Variants in AKAP19 observed in about 807,000 individuals in gnomAD.
The protein encoded by AKAP19 is A-kinase anchoring protein 19.
At chr2:189,888,133 A>T in the AKAP19 span, among the ~76,000 whole-genome samples, 1 of 152,156 alleles carries the variant, frequency 6.6e-6, no homozygotes, top group South Asian at 2.1e-4. Flanking sequence ...TAATTTTTGT[A>T]TAAGGTATAA....
chr2:190,106,806 T>A, the AKAP19 span, among the ~76,000 whole-genome samples: 1 of 152,220 alleles, frequency 6.6e-6, no homozygotes, highest in Non-Finnish European at 1.5e-5. Context: ...ACTACTTCAC[T>A]ATAATGTGTT....
the AKAP19 span, among the ~76,000 whole-genome samples, chr2:190,138,944 T>C: frequency 9.9e-5 from 15 of 152,208 alleles, no homozygotes; most frequent in Non-Finnish European, 2.2e-4. Flanking sequence ...AAAGGAAGGA[T>C]AAGAATATCA....
chr2:190,163,240 T>C, the AKAP19 span, among the ~76,000 whole-genome samples: 5 of 151,872 alleles, frequency 3.3e-5, no homozygotes, highest in East Asian at 5.8e-4. Flanking sequence ...CGAGACCATC[T>C]TGGCTAACAC....
At chr2:189,979,549 C>A in the AKAP19 span, among the ~76,000 whole-genome samples, 1 of 152,042 alleles carries the variant, frequency 6.6e-6, no homozygotes, top group East Asian at 1.9e-4. Flanking sequence ...ATCTTAAAAG[C>A]AAATTCAACA....
chr2:190,199,648 C>CTATT, the AKAP19 span: 4 of 1,233,636 alleles, frequency 3.2e-6, no homozygotes, highest in Non-Finnish European at 4.3e-6. Flanking sequence ...CAATCATACA[C>CTATT]TATTTTGCAT....
At chr2:190,025,602 T>C in the AKAP19 span, among the ~76,000 whole-genome samples, 1 of 152,214 alleles carries the variant, frequency 6.6e-6, no homozygotes, top group Admixed American at 6.5e-5. Flanking sequence ...GAGCCCATGC[T>C]TTTCTTGGGA....
chr2:189,885,387 G>C, the AKAP19 span, among the ~76,000 whole-genome samples: 1 of 152,196 alleles, frequency 6.6e-6, no homozygotes, highest in Non-Finnish European at 1.5e-5. Flanking sequence ...TATGTGTGGA[G>C]AAAGAGATAT....
the AKAP19 span, among the ~76,000 whole-genome samples, chr2:189,916,585 G>T: frequency 6.6e-6 from 1 of 152,088 alleles, no homozygotes; most frequent in Non-Finnish European, 1.5e-5. Context: ...GCCTCCCAAA[G>T]TGCTGGGATT....
At chr2:190,115,929 A>G in the AKAP19 span, among the ~76,000 whole-genome samples, 1 of 152,118 alleles carries the variant, frequency 6.6e-6, no homozygotes, top group Non-Finnish European at 1.5e-5. Flanking sequence ...GTAATGGGCA[A>G]TGTTCTAGGA....
At chr2:189,926,264 C>T in the AKAP19 span, among the ~76,000 whole-genome samples, 3 of 152,108 alleles carry the variant, frequency 2.0e-5, no homozygotes, top group African/African-American at 4.8e-5. Flanking sequence ...TAGAAAGATG[C>T]GCAATGATTT....
At chr2:190,155,398 A>G in the AKAP19 span, among the ~76,000 whole-genome samples, 1 of 152,224 alleles carries the variant, frequency 6.6e-6, no homozygotes, top group Non-Finnish European at 1.5e-5. Context: ...AATAAAGTGC[A>G]AAGTATAGAC....
At chr2:190,038,941 T>TTCTTCTTCC in the AKAP19 span, among the ~76,000 whole-genome samples, 84 of 143,994 alleles carry the variant, frequency 5.8e-4, 3 homozygotes, top group African/African-American at 2.3e-3. Flanking sequence ...CTTCTTCTTC[T>TTCTTCTTCC]TCTTCTTCTT....
At chr2:189,917,160 C>T in the AKAP19 span, 1 of 538,008 alleles carries the variant, frequency 1.9e-6, no homozygotes, top group African/African-American at 2.0e-5. Context: ...ATGATTTAAA[C>T]AAAAGTTTTA....
chr2:189,950,399 G>A, the AKAP19 span, among the ~76,000 whole-genome samples: 1 of 149,984 alleles, frequency 6.7e-6, no homozygotes, highest in Non-Finnish European at 1.5e-5. Flanking sequence ...GTGAACATGG[G>A]AGCAAGAGAA....
the AKAP19 span, among the ~76,000 whole-genome samples, chr2:189,920,320 C>T: frequency 2.6e-5 from 4 of 152,188 alleles, no homozygotes; most frequent in African/African-American, 9.7e-5. Context: ...ACTTCCATCT[C>T]ATGGTCTAGG....
the AKAP19 span, among the ~76,000 whole-genome samples, chr2:190,081,235 A>T: frequency 4.0e-5 from 6 of 149,272 alleles, no homozygotes; most frequent in South Asian, 1.3e-3. Context: ...CCCTGCCACA[A>T]CTCCTTCCCT....
At chr2:190,195,412 G>A in the AKAP19 span, among the ~76,000 whole-genome samples, 1 of 152,258 alleles carries the variant, frequency 6.6e-6, no homozygotes, top group South Asian at 2.1e-4. Context: ...TCCTCCCAAG[G>A]TAACCGTACC....
chr2:190,190,157 A>C, the AKAP19 span, among the ~76,000 whole-genome samples: 1 of 152,246 alleles, frequency 6.6e-6, no homozygotes, highest in East Asian at 1.9e-4. Context: ...TCATGTAACT[A>C]ACATACCAAT....
the AKAP19 span, among the ~76,000 whole-genome samples, chr2:190,039,016 C>CTCTTCCTCTTCCTCT: frequency 0.046 from 5,507 of 120,518 alleles, 513 homozygotes; most frequent in African/African-American, 0.15. Flanking sequence ...CTTCCTCTTC[C>CTCTTCCTCTTCCTCT]TCTTCCTCTT....
Sources: gnomAD v4.1 joint callset for allele counts (sites outside exome capture counted in the v4.1 genomes callset) on GRCh38, gnomAD v4.1.1 for gene constraint, MANE v1.5 for transcripts, NCBI Gene and HGNC (gene_info 2026-07-23, HGNC 2026-07-21) for gene names.